The following FANCB variants were observed in gnomAD, a reference collection of about 807,000 sequenced individuals.
FANCB encodes the protein FA complementation group B.
In FANCB, 5 loss-of-function variants were observed where a neutral mutation model predicts 38.9. The ratio of observed to expected loss-of-function variants is 0.13; its 90% CI spans 0.07 to 0.27. FANCB has a LOEUF of 0.27. Ranked by LOEUF, FANCB falls within the 10% of genes least tolerant of loss-of-function variation. The probability of loss-of-function intolerance (pLI) is 1.00; values close to 1 mark genes in which losing one functional copy is unlikely to be tolerated. For synonymous variants in FANCB, 236 were observed against 215.4 expected, an observed-to-expected ratio of 1.10 and a Z score of -0.84; for missense variants, 573 against 602.7, an observed-to-expected ratio of 0.95 and a Z score of 0.52.
the FANCB span, among the ~76,000 whole-genome samples, chrX:14,749,151 G>A: frequency 7.2e-5 from 8 of 111,850 alleles, no homozygotes; most frequent in African/African-American, 9.7e-5. Context: ...GCCTTGGAGC[G>A]AAATGGTACC....
At chrX:14,707,203 GA>G in the FANCB span, among the ~76,000 whole-genome samples, 1 of 111,528 alleles carries the variant, frequency 9.0e-6, no homozygotes, top group Admixed American at 9.5e-5. Context: ...ATATGAGAGA[GA>G]AGCATGACAT....
At chrX:14,691,370 C>A in the FANCB span, among the ~76,000 whole-genome samples, 1 of 103,773 alleles carries the variant, frequency 9.6e-6, no homozygotes, top group South Asian at 4.4e-4. Flanking sequence ...GACTTTTTTT[C>A]ATCAATTGCT....
the FANCB span, among the ~76,000 whole-genome samples, chrX:14,787,664 ATTAT>A: frequency 9.3e-6 from 1 of 108,099 alleles, no homozygotes; most frequent in Non-Finnish European, 1.9e-5. Flanking sequence ...ATTTACAATT[ATTAT>A]TTGTCAATTT....
intron 5 of FANCB, among the ~76,000 whole-genome samples, chrX:14,856,224 T>C (rs1166332521): frequency 8.9e-6 from 1 of 111,906 alleles, no homozygotes; most frequent in Non-Finnish European, 1.9e-5. Flanking sequence ...TACATAAACA[T>C]TCTTGTAAAA....
chrX:14,785,257 G>T, the FANCB span, among the ~76,000 whole-genome samples: 1 of 111,552 alleles, frequency 9.0e-6, no homozygotes, highest in East Asian at 2.8e-4. Context: ...TGTTAATCAC[G>T]TCTAGAAAGT....
At chrX:14,815,332 G>T in the FANCB span, among the ~76,000 whole-genome samples, 4 of 108,191 alleles carry the variant, frequency 3.7e-5, no homozygotes, top group African/African-American at 1.4e-4. Flanking sequence ...AAAAAAAAGT[G>T]GGGGGGAAGA....
the FANCB span, among the ~76,000 whole-genome samples, chrX:14,748,076 A>G: frequency 8.9e-6 from 1 of 111,843 alleles, no homozygotes; most frequent in Non-Finnish European, 1.9e-5. Flanking sequence ...CCCAGCTAAT[A>G]ACTAGAATGC....
the FANCB span, among the ~76,000 whole-genome samples, chrX:14,698,679 C>A: frequency 2.0e-5 from 1 of 49,060 alleles, no homozygotes; most frequent in Non-Finnish European, 3.3e-5. Flanking sequence ...CTCTATCTAT[C>A]TCAAAAAAAA....
the FANCB span, among the ~76,000 whole-genome samples, chrX:14,816,441 A>C: frequency 2.7e-5 from 3 of 112,184 alleles, no homozygotes; most frequent in East Asian, 8.3e-4. Flanking sequence ...ACCAAGGAAA[A>C]AAGAAATAAA....
the FANCB span, among the ~76,000 whole-genome samples, chrX:14,775,553 A>G: frequency 1.8e-5 from 2 of 111,357 alleles, no homozygotes. Flanking sequence ...AGCCCAGTGA[A>G]GTCTCAGCTT....
the FANCB span, among the ~76,000 whole-genome samples, chrX:14,744,310 A>G: frequency 1.8e-5 from 2 of 112,270 alleles, no homozygotes; most frequent in African/African-American, 6.5e-5. Context: ...CAGGGTTCTA[A>G]TGAGACTGAA....
the FANCB span, among the ~76,000 whole-genome samples, chrX:14,809,746 G>C: frequency 1.8e-5 from 2 of 112,660 alleles, no homozygotes; most frequent in Non-Finnish European, 3.8e-5. Flanking sequence ...TCCACCTCTG[G>C]GGGCAGGGCA....
downstream of FANCB, chrX:14,843,284 C>T: frequency 3.7e-6 from 1 of 271,228 alleles, no homozygotes; most frequent in Non-Finnish European, 6.5e-6. Context: ...CCACTAGATG[C>T]CCATAGCACC....
chrX:14,788,126 A>G, the FANCB span, among the ~76,000 whole-genome samples: 1 of 108,309 alleles, frequency 9.2e-6, no homozygotes, highest in Non-Finnish European at 1.9e-5. Context: ...TGTGCCCGAG[A>G]GGGACTGAGA....
chrX:14,843,776 T>C lies in FANCB; in HGVS notation c.2371A>G (p.Ser791Gly), dbSNP rs2147386876. 8.3e-7 allele frequency: 1 copy of C among 1,211,395 alleles called. No homozygotes were observed. Among genetic ancestry groups the C allele is most frequent in the Non-Finnish European group, 1.1e-6 (1 of 895,220 alleles). Residue 791 changes from serine to glycine, a missense_variant, in exon 10 of 10, where the codon AGC (serine) becomes GGC (glycine). Physicochemically the swap from Ser to Gly is moderately conservative, Grantham distance 56. Coordinates refer to ENST00000650831, the MANE Select transcript of FANCB (RefSeq NM_001018113.3). The stretch of plus-strand genomic sequence containing the variant: ...GCGACGACACTACTCTTTCCTTTGC[T>C]CACTTCACACCTCTGCATAAAATTG... ...ESNFMQRCEVSKGKSSVVAAA... is the reference protein window; with the variant it reads ...ESNFMQRCEVGKGKSSVVAAA...
downstream of FANCB, among the ~76,000 whole-genome samples, chrX:14,833,258 T>C (rs184182607): frequency 3.7e-3 from 394 of 107,855 alleles, 1 homozygote; most frequent in African/African-American, 0.011. Flanking sequence ...TATTTATCCA[T>C]TGAAAGAACA....
the FANCB span, among the ~76,000 whole-genome samples, chrX:14,823,051 G>A: frequency 1.9e-5 from 2 of 103,452 alleles, no homozygotes; most frequent in African/African-American, 3.5e-5. Flanking sequence ...GTTAATGTTT[G>A]CGTACTATAT....
the FANCB span, among the ~76,000 whole-genome samples, chrX:14,800,217 C>T: frequency 2.7e-5 from 3 of 111,894 alleles, no homozygotes; most frequent in Admixed American, 2.8e-4. Context: ...ACACTCATGT[C>T]TAATGGCTCA....
the FANCB span, among the ~76,000 whole-genome samples, chrX:14,750,736 T>A: frequency 9.0e-6 from 1 of 111,043 alleles, no homozygotes; most frequent in Non-Finnish European, 1.9e-5. Context: ...TTCTAGGGAA[T>A]ACACACATCA....
Sources: gnomAD v4.1 joint callset for allele counts (sites outside exome capture counted in the v4.1 genomes callset) on GRCh38, gnomAD v4.1.1 for gene constraint, MANE v1.5 for transcripts, NCBI Gene and HGNC (gene_info 2026-07-23, HGNC 2026-07-21) for gene names.